FBXO34: variants seen among roughly 807,000 people sequenced by gnomAD.
The protein encoded by FBXO34 is F-box only protein 34.
A neutral mutation model predicts 24.5 loss-of-function variants in FBXO34; 12 were observed. The ratio of observed to expected loss-of-function variants is 0.49; its 90% CI spans 0.31 to 0.79. The LOEUF (loss-of-function observed/expected upper bound fraction) is 0.79, where lower values mean the gene tolerates loss of function less well. Among genes scored for constraint, FBXO34 ranks in the 30% least tolerant of loss-of-function variants. The pLI is 0.04. For missense variants in FBXO34, 823 were observed against 857.7 expected, an observed-to-expected ratio of 0.96 and a Z score of 0.51; for synonymous variants, 320 against 311.9, an observed-to-expected ratio of 1.03 and a Z score of -0.27.
At chr14:55,280,740 A>T (rs1182106284) in intron 1 of FBXO34, among the ~76,000 whole-genome samples, 2 of 151,720 alleles carry the variant, frequency 1.3e-5, no homozygotes, top group African/African-American at 2.4e-5. Flanking sequence ...GTTAGCCAGG[A>T]TGGTCTCGAT....
At chr14:55,299,029 T>C in intron 1 of FBXO34, 3 of 1,606,928 alleles carry the variant, frequency 1.9e-6, no homozygotes, top group Non-Finnish European at 2.6e-6. Context: ...CAGCAAGAAC[T>C]TGGGGAGGAG....
chr14:55,384,939 C>A, the FBXO34 span, among the ~76,000 whole-genome samples: 1 of 152,156 alleles, frequency 6.6e-6, no homozygotes, highest in Non-Finnish European at 1.5e-5. Context: ...CCCTCTGGAA[C>A]CTCTATTTCT....
intron 1 of FBXO34, chr14:55,318,333 C>T (rs1255982222): frequency 2.2e-5 from 1 of 45,142 alleles, no homozygotes; most frequent in African/African-American, 9.6e-5. Flanking sequence ...GTTTGCAAGT[C>T]ATATATATAT....
chr14:55,320,926 T>A (rs752123239), intron 1 of FBXO34, among the ~76,000 whole-genome samples: 1 of 152,176 alleles, frequency 6.6e-6, no homozygotes, highest in Non-Finnish European at 1.5e-5. Context: ...TAAATCATAA[T>A]TAAAAATACC....
At position 55,351,190 on chromosome 14, in the gene FBXO34, T is replaced by C; in HGVS notation, c.800T>C (p.Leu267Pro). ...ACEEPTERGNLEVGEPQSEPV... is the reference protein window; with the variant it reads ...ACEEPTERGNPEVGEPQSEPV... ...GAAGAACCCACAGAAAGGGGAAATC[T>C]TGAGGTTGGTGAACCACAGAGCGAA... The change falls in exon 2 of 2, where the codon CTT (leucine) becomes CCT (proline). Residue 267 changes from leucine (L) to proline (P), a missense_variant. Leu to Pro is a moderately conservative substitution (Grantham distance 98). Transcript: ENST00000313833. 6.2e-7 allele frequency: 1 copy of C among 1,614,220 alleles called. No individual in the cohort carries two copies.
chr14:55,278,424 A>T (rs764505517), intron 1 of FBXO34, among the ~76,000 whole-genome samples: 22 of 152,164 alleles, frequency 1.4e-4, no homozygotes, highest in Non-Finnish European at 2.1e-4. Flanking sequence ...AACCAACTCA[A>T]ATTCACTGGC....
the FBXO34 span, among the ~76,000 whole-genome samples, chr14:55,402,961 ATAT>A: frequency 3.9e-5 from 3 of 76,742 alleles, no homozygotes; most frequent in Non-Finnish European, 5.6e-5. Flanking sequence ...ATATATATAT[ATAT>A]ATATAAATAG....
rs76392675 is a variant in FBXO34, at chr14:55,340,226, T to C, written c.-10-10155T>C. 1.6e-4 allele frequency among the ~76,000 whole-genome samples: 25 copies of C among 152,200 alleles called. No homozygotes were observed. In the East Asian group the frequency reaches 4.3e-3, roughly 26 times the overall value. ...CTCTTTTGCTTGGTGCACTAATACT[T>C]GTTATCCTGAATTTTTACCAACGTT... On this transcript the variant is annotated intron_variant, in intron 1 of 1. Coordinates refer to ENST00000313833, the MANE Select transcript of FBXO34 (RefSeq NM_017943.4).
At chr14:55,435,375 A>T in the FBXO34 span, among the ~76,000 whole-genome samples, 1 of 151,354 alleles carries the variant, frequency 6.6e-6, no homozygotes, top group African/African-American at 2.4e-5. Context: ...TCCTGGGTTC[A>T]AGTGATTCTC....
the FBXO34 span, among the ~76,000 whole-genome samples, chr14:55,420,866 T>C: frequency 6.6e-6 from 1 of 152,058 alleles, no homozygotes. Context: ...GAGACCATCC[T>C]GGCCAACACG....
chr14:55,341,564 AGTT>A (rs1566563699), intron 1 of FBXO34, among the ~76,000 whole-genome samples: 1 of 152,184 alleles, frequency 6.6e-6, no homozygotes, highest in African/African-American at 2.4e-5. Context: ...TATGCAAGAG[AGTT>A]GTTAATAGGA....
chr14:55,276,675 G>A (rs1331854947), intron 1 of FBXO34, among the ~76,000 whole-genome samples: 3 of 152,116 alleles, frequency 2.0e-5, no homozygotes, highest in Non-Finnish European at 4.4e-5. Context: ...CAGAAGTTAA[G>A]TAGTCAAAAA....
chr14:55,380,521 G>T, the FBXO34 span: 1 of 1,209,892 alleles, frequency 8.3e-7, no homozygotes, highest in East Asian at 2.4e-5. Context: ...AGACAAAATA[G>T]AAACTTGAAA....
chr14:55,356,533 A>T (rs994105553), downstream of FBXO34, among the ~76,000 whole-genome samples: 1 of 152,182 alleles, frequency 6.6e-6, no homozygotes, highest in African/African-American at 2.4e-5. Context: ...CTGCAACCTC[A>T]GCCTGCTGGG....
At chr14:55,407,390 A>G in the FBXO34 span, among the ~76,000 whole-genome samples, 1 of 152,176 alleles carries the variant, frequency 6.6e-6, no homozygotes, top group South Asian at 2.1e-4. Context: ...CAGCCTCCCA[A>G]AGTGCTGGGA....
the FBXO34 span, among the ~76,000 whole-genome samples, chr14:55,421,185 A>C: frequency 6.6e-6 from 1 of 152,212 alleles, no homozygotes; most frequent in Non-Finnish European, 1.5e-5. Flanking sequence ...ACTTTTAATA[A>C]GATTTATTTG....
chr14:55,351,028 T>C lies in FBXO34; in HGVS notation c.638T>C (p.Phe213Ser), dbSNP rs1290900074. ...RPLSVIQMVA[F>S]LEQRASALLA... Reference sequence around the variant, plus strand: ...CTGTCAGTTATACAGATGGTTGCCTTCTTGGAGCAAAGAGCCAGTGCTCTG... The same window carrying C: ...CTGTCAGTTATACAGATGGTTGCCTCCTTGGAGCAAAGAGCCAGTGCTCTG... The change falls in exon 2 of 2, where the codon TTC (phenylalanine) becomes TCC (serine). Residue 213 changes from phenylalanine (F) to serine (S), a missense_variant. Around this residue, in one of 2 missense-constraint regions of FBXO34, gnomAD observed 693 missense variants for 659.1 expected, o/e 1.05. Transcript: ENST00000313833. 1.2e-6 allele frequency: 2 copies of C among 1,614,192 alleles called. No homozygotes were observed. The highest frequency in any genetic ancestry group is 1.1e-5 in the South Asian group (1 of 91,076).
At chr14:55,278,813 A>C (rs931555739) in intron 1 of FBXO34, among the ~76,000 whole-genome samples, 3 of 152,090 alleles carry the variant, frequency 2.0e-5, no homozygotes, top group African/African-American at 7.2e-5. Flanking sequence ...CAGCCTTCTG[A>C]GTAGCTGGGA....
intron 1 of FBXO34, among the ~76,000 whole-genome samples, chr14:55,281,271 A>AAAG (rs1324449871): frequency 6.6e-6 from 1 of 151,488 alleles, no homozygotes; most frequent in African/African-American, 2.4e-5. Flanking sequence ...AAAAAAAAAA[A>AAAG]AAAAAGCACA....
Sources: gnomAD v4.1 joint callset for allele counts (sites outside exome capture counted in the v4.1 genomes callset) on GRCh38, gnomAD v4.1.1 for gene constraint, gnomAD v4.1.1 regional missense constraint, MANE v1.5 for transcripts, NCBI Gene and HGNC (gene_info 2026-07-23, HGNC 2026-07-21) for gene names.